Variants in VIPR2 observed in about 807,000 individuals in gnomAD.
The protein encoded by VIPR2 is vasoactive intestinal polypeptide receptor 2.
VIPR2 carries 48 observed loss-of-function variants against 58.0 expected under a neutral mutation model. The ratio of observed to expected loss-of-function variants is 0.83; its 90% CI spans 0.66 to 1.05. The LOEUF (loss-of-function observed/expected upper bound fraction) is 1.05, where lower values mean the gene tolerates loss of function less well. Among genes scored for constraint, VIPR2 ranks in the 50% least tolerant of loss-of-function variants. The pLI is 0.00. For synonymous variants in VIPR2, 243 were observed against 235.2 expected (o/e 1.03, Z -0.30); for missense variants, 534 against 558.0 (o/e 0.96, Z 0.43).
chr7:159,122,546 G>A (rs1443947943), intron 2 of VIPR2, among the ~76,000 whole-genome samples: 3 of 152,190 alleles, frequency 2.0e-5, no homozygotes, highest in Admixed American at 6.5e-5. Context: ...TCTGCCACTG[G>A]GTGGGTCCGG....
At chr7:159,107,883 C>T (rs778741692) in intron 3 of VIPR2, among the ~76,000 whole-genome samples, 1 of 151,898 alleles carries the variant, frequency 6.6e-6, no homozygotes, top group Admixed American at 6.5e-5. Flanking sequence ...GCCGGACACA[C>T]GTGATGATGC....
chr7:159,116,169 A>AGGCAC (rs1373874821), intron 2 of VIPR2, among the ~76,000 whole-genome samples: 1 of 152,178 alleles, frequency 6.6e-6, no homozygotes, highest in Non-Finnish European at 1.5e-5. Context: ...GAGAAGGCTT[A>AGGCAC]GGCACCTGCT....
chr7:159,074,338 G>A (rs933891554), intron 4 of VIPR2, among the ~76,000 whole-genome samples: 1 of 152,212 alleles, frequency 6.6e-6, no homozygotes, highest in Non-Finnish European at 1.5e-5. Flanking sequence ...CCATTTCTGT[G>A]TGAAAGACTC....
chr7:159,098,945 C>T lies in VIPR2; in HGVS notation c.357+4812G>A, dbSNP rs1289956593. ...TCAGTTCAGCTCCCAGGCAGCCCTG[C>T]GCTCGCCGGTGGGCAGAGCCGGCCC... On this transcript the variant is annotated intron_variant, in intron 4 of 12. Transcript: ENST00000262178. The surrounding 1 kb of genome is among the most constrained non-coding windows in gnomAD (Gnocchi z 5.2). Among the ~76,000 whole-genome samples the T allele has an allele frequency of 2.0e-5, 3 of 152,160 alleles. No individual in the cohort carries two copies. Among genetic ancestry groups the T allele is most frequent in the South Asian group, 2.1e-4 (1 of 4,834 alleles).
chr7:159,137,538 G>C (rs2129498009), intron 2 of VIPR2, among the ~76,000 whole-genome samples: 1 of 152,202 alleles, frequency 6.6e-6, no homozygotes, highest in East Asian at 1.9e-4. Flanking sequence ...CACCACACCA[G>C]GTTAAGTTAA....
intron 5 of VIPR2, among the ~76,000 whole-genome samples, chr7:159,054,592 G>A (rs879301117): frequency 6.6e-6 from 1 of 152,184 alleles, no homozygotes; most frequent in African/African-American, 2.4e-5. Context: ...TCAGGGAAAT[G>A]TAAATTAAAA....
At chr7:159,088,099 C>T (rs151035849) in intron 4 of VIPR2, among the ~76,000 whole-genome samples, 65 of 152,314 alleles carry the variant, frequency 4.3e-4, no homozygotes, top group African/African-American at 1.3e-3. Flanking sequence ...CAGGGGAAGC[C>T]GGCAATGAGC....
intron 5 of VIPR2, among the ~76,000 whole-genome samples, chr7:159,054,857 C>T (rs1265586348): frequency 1.3e-5 from 2 of 152,004 alleles, no homozygotes; most frequent in Non-Finnish European, 2.9e-5. Context: ...TATGATGATC[C>T]CATCAGGGTA....
In VIPR2 at chr7:159,047,168, G is replaced by A. The variant is rs187591305; in HGVS notation, c.456-3992C>T. Among the ~76,000 whole-genome samples, 584 of 152,320 alleles carry A rather than the reference G, an allele frequency of 3.8e-3. 5 individuals carry two copies. Among genetic ancestry groups the A allele is most frequent in the African/African-American group, 0.013 (549 of 41,574 alleles). On this transcript the variant is annotated intron_variant, in intron 5 of 12. Coordinates refer to ENST00000262178, the MANE Select transcript of VIPR2 (RefSeq NM_003382.5). ...GAGAATCGCTTGAACCCAGGAGGCA[G>A]AGGTTGAGATTGAATCCAGGAGCCG...
intron 5 of VIPR2, among the ~76,000 whole-genome samples, chr7:159,046,669 AATGGTAAATTTTGTGTT>A (rs1436380930): frequency 6.6e-6 from 1 of 152,216 alleles, no homozygotes; most frequent in Non-Finnish European, 1.5e-5. Flanking sequence ...AGATGGCTCA[AATGGTAAATTTTGTGTT>A]ATGGGTATTT....
chr7:159,061,214 C>T (rs1231922958), intron 4 of VIPR2, among the ~76,000 whole-genome samples: 1 of 151,964 alleles, frequency 6.6e-6, no homozygotes, highest in Non-Finnish European at 1.5e-5. Context: ...AACGGAGGGG[C>T]AAGGGTTGAA....
At chr7:159,123,744 T>C (rs1359706519) in intron 2 of VIPR2, among the ~76,000 whole-genome samples, 2 of 152,158 alleles carry the variant, frequency 1.3e-5, no homozygotes, top group Non-Finnish European at 2.9e-5. Flanking sequence ...TCCACAATGG[T>C]TGAACTAATT....
intron 4 of VIPR2, among the ~76,000 whole-genome samples, chr7:159,062,536 C>G (rs1047856977): frequency 6.6e-6 from 1 of 152,006 alleles, no homozygotes; most frequent in African/African-American, 2.4e-5. Flanking sequence ...TGGAGTTGTT[C>G]ATTCCTCCCG....
At chr7:159,034,384 C>T (rs1853785771) in intron 9 of VIPR2, 80 bp from the exon 10 acceptor site, 1 of 1,412,368 alleles carries the variant, frequency 7.1e-7, no homozygotes, top group Non-Finnish European at 9.8e-7. Context: ...TTCGACCCTC[C>T]CCTCCGCTCC....
At chr7:159,074,996 T>G (rs1444944513) in intron 4 of VIPR2, among the ~76,000 whole-genome samples, 2 of 152,250 alleles carry the variant, frequency 1.3e-5, no homozygotes, top group African/African-American at 4.8e-5. Flanking sequence ...GTGAACTCAA[T>G]GAATACCTTA....
intron 2 of VIPR2, among the ~76,000 whole-genome samples, chr7:159,135,071 T>A (rs912459267): frequency 6.8e-6 from 1 of 147,842 alleles, no homozygotes; most frequent in Non-Finnish European, 1.5e-5. Flanking sequence ...TGATTTTGTG[T>A]TTTATCAGGA....
rs187857563 is a variant in VIPR2 at position 159,067,440 on chromosome 7, C to A, written c.358-8862G>T. On this transcript the variant is annotated intron_variant, in intron 4 of 12. Transcript: ENST00000262178. ...TGAACAGCACTAACCTTTCCACCAA[C>A]GGCCCAGAACCCAGCGTGCATGAGG... is the stretch of plus-strand genomic sequence containing the variant. Among the ~76,000 whole-genome samples the A allele has an allele frequency of 4.6e-5, 7 of 152,346 alleles. No homozygotes were observed. In the East Asian group the frequency reaches 1.3e-3, roughly 29 times the overall value.
chr7:159,056,894 G>A (rs1280207501), intron 5 of VIPR2, among the ~76,000 whole-genome samples: 1 of 152,160 alleles, frequency 6.6e-6, no homozygotes, highest in African/African-American at 2.4e-5. Context: ...CACCAGCTCT[G>A]GACACTATGT....
chr7:159,106,289 C>G (rs1371722072), intron 3 of VIPR2, among the ~76,000 whole-genome samples: 1 of 152,278 alleles, frequency 6.6e-6, no homozygotes, highest in Non-Finnish European at 1.5e-5. Flanking sequence ...AGTGCAGATT[C>G]CCTCACAGGT....
Sources: gnomAD v4.1 joint callset for allele counts (sites outside exome capture counted in the v4.1 genomes callset) on GRCh38, gnomAD v4.1.1 for gene constraint, Gnocchi (gnomAD v3.1) non-coding constraint, MANE v1.5 for transcripts, NCBI Gene and HGNC (gene_info 2026-07-23, HGNC 2026-07-21) for gene names.